The following NCAM2 variants were observed in gnomAD, a reference collection of about 807,000 sequenced individuals.
NCAM2 encodes the protein N-CAM-2.
NCAM2 carries 30 observed loss-of-function variants against 98.1 expected under a neutral mutation model. The ratio of observed to expected loss-of-function variants is 0.31; its 90% confidence interval spans 0.23 to 0.41. NCAM2 has a LOEUF of 0.41. NCAM2 is among the 10% of genes least tolerant of loss of function. The pLI is 1.00. For missense variants in NCAM2, 867 were observed against 1,005.8 expected (o/e 0.86, Z 1.87); for synonymous variants, 368 against 342.4 (o/e 1.07, Z -0.83).
At chr21:21,414,306 T>G (rs1319024166) in intron 10 of NCAM2, among the ~76,000 whole-genome samples, 1 of 152,210 alleles carries the variant, frequency 6.6e-6, no homozygotes, top group Admixed American at 6.5e-5. Context: ...TTCTTATTAA[T>G]GTTGATATTT....
intron 8 of NCAM2, among the ~76,000 whole-genome samples, chr21:21,350,769 C>T (rs528110698): frequency 6.6e-6 from 1 of 152,014 alleles, no homozygotes; most frequent in South Asian, 2.1e-4. Context: ...TACATATAAG[C>T]GTATCTATTT....
At chr21:21,339,254 G>A (rs2074959884) in intron 8 of NCAM2, among the ~76,000 whole-genome samples, 1 of 152,082 alleles carries the variant, frequency 6.6e-6, no homozygotes. Flanking sequence ...CAGTAGAAGT[G>A]TAGGTTCTGC....
At chr21:21,051,783 T>G (rs2146296688) in intron 1 of NCAM2, among the ~76,000 whole-genome samples, 2 of 152,316 alleles carry the variant, frequency 1.3e-5, no homozygotes, top group South Asian at 4.1e-4. Context: ...CATACAATTG[T>G]AGGAACTTCT....
intron 9 of NCAM2, among the ~76,000 whole-genome samples, chr21:21,392,707 T>G (rs1051446682): frequency 6.6e-6 from 1 of 152,200 alleles, no homozygotes; most frequent in Admixed American, 6.5e-5. Flanking sequence ...ATCAGTGATA[T>G]TGAGCTTTTT....
rs1049300394 is a variant in NCAM2, at chr21:21,091,164, A to G, written c.55+92546A>G. On this transcript the variant is annotated intron_variant, in intron 1 of 17. Transcript: ENST00000400546. ...GTGTTGCATGAATGAATGATATCCAAGCTTAAAAACTACATGACACTGCTC... is the reference window on the plus strand; with the variant it reads ...GTGTTGCATGAATGAATGATATCCAGGCTTAAAAACTACATGACACTGCTC... Among the ~76,000 whole-genome samples, 5 of 152,182 alleles carry G rather than the reference A, an allele frequency of 3.3e-5. No homozygotes were observed. The South Asian group carries it at 1.0e-3, about 32-fold the overall frequency.
At chr21:21,485,666 A>T (rs1285280838) in intron 15 of NCAM2, among the ~76,000 whole-genome samples, 1 of 152,204 alleles carries the variant, frequency 6.6e-6, no homozygotes, top group African/African-American at 2.4e-5. Flanking sequence ...ACCACATCTT[A>T]ACAAGTGACT....
intron 9 of NCAM2, among the ~76,000 whole-genome samples, chr21:21,402,187 G>C (rs1003275319): frequency 6.6e-6 from 1 of 152,158 alleles, no homozygotes; most frequent in African/African-American, 2.4e-5. Context: ...GGCAAAAACA[G>C]CCATATTTTT....
At chr21:21,398,482 G>A (rs758068252) in intron 9 of NCAM2, among the ~76,000 whole-genome samples, 64 of 152,150 alleles carry the variant, frequency 4.2e-4, no homozygotes, top group Non-Finnish European at 2.1e-4. Context: ...ACAAAGCACC[G>A]AAAGCACAAA....
At chr21:21,364,493 A>G (rs998983177) in intron 8 of NCAM2, among the ~76,000 whole-genome samples, 2 of 152,046 alleles carry the variant, frequency 1.3e-5, no homozygotes, top group African/African-American at 2.4e-5. Context: ...AATTATACAT[A>G]TAGACTATAT....
At chr21:21,265,469 GTATATATAT>G (rs1568857393) in intron 1 of NCAM2, among the ~76,000 whole-genome samples, 10 of 137,272 alleles carry the variant, frequency 7.3e-5, no homozygotes, top group South Asian at 2.2e-4. Flanking sequence ...ATATATGTGT[GTATATATAT>G]TATATATACA....
intron 1 of NCAM2, among the ~76,000 whole-genome samples, chr21:21,230,391 C>T (rs1027667100): frequency 6.6e-6 from 1 of 151,014 alleles, no homozygotes; most frequent in African/African-American, 2.4e-5. Flanking sequence ...TAAAAATTGG[C>T]CACGCTGTCT....
intron 14 of NCAM2, among the ~76,000 whole-genome samples, chr21:21,472,559 ATTC>A (rs1366242781): frequency 2.0e-5 from 3 of 152,032 alleles, no homozygotes; most frequent in African/African-American, 4.8e-5. Flanking sequence ...GATGAGTTTT[ATTC>A]TTCTTTGTAT....
At chr21:21,221,730 G>A (rs78169665) in intron 1 of NCAM2, among the ~76,000 whole-genome samples, 1 of 152,156 alleles carries the variant, frequency 6.6e-6, no homozygotes, top group Admixed American at 6.5e-5. Context: ...AAAATGTTAG[G>A]TGAATTTGGA....
intron 1 of NCAM2, among the ~76,000 whole-genome samples, chr21:21,069,989 C>A (rs980315974): frequency 6.6e-6 from 1 of 152,018 alleles, no homozygotes; most frequent in Non-Finnish European, 1.5e-5. Flanking sequence ...ACTGTGAACA[C>A]CGGCAATTTA....
intron 6 of NCAM2, among the ~76,000 whole-genome samples, chr21:21,329,896 A>C (rs913172923): frequency 1.3e-5 from 2 of 152,134 alleles, no homozygotes; most frequent in African/African-American, 4.8e-5. Context: ...ACGCAATTCC[A>C]GGAATTTGTC....
chr21:21,539,109 G>C lies in NCAM2; in HGVS notation c.*1152G>C, dbSNP rs897842390. On this transcript the variant is annotated 3_prime_UTR_variant, in exon 18 of 18. Coordinates refer to ENST00000400546, the MANE Select transcript of NCAM2 (RefSeq NM_004540.5). The stretch of plus-strand genomic sequence containing the variant: ...TAGCTAGAAGTCATTTTAAGATTTT[G>C]ATAAACAACTTTGGTTGAAGAAATT... The C allele has an allele frequency of 2.0e-5, 3 of 152,098 alleles. No individual in the cohort carries two copies. Among genetic ancestry groups the C allele is most frequent in the African/African-American group, 7.2e-5 (3 of 41,436 alleles). The allele number at this position is 152,098 out of a possible 1,614,324, so 9.4% of individuals were successfully genotyped here.
intron 1 of NCAM2, among the ~76,000 whole-genome samples, chr21:21,052,639 T>C (rs1187487346): frequency 1.3e-5 from 2 of 152,128 alleles, no homozygotes; most frequent in Non-Finnish European, 2.9e-5. Context: ...AATGAATTCT[T>C]TCCCCAGAAA....
chr21:21,034,526 T>C (rs1322153434), intron 1 of NCAM2, among the ~76,000 whole-genome samples: 1 of 152,182 alleles, frequency 6.6e-6, no homozygotes, highest in African/African-American at 2.4e-5. Flanking sequence ...CATCAAGGTG[T>C]CTTCCTTCAG....
intron 1 of NCAM2, among the ~76,000 whole-genome samples, chr21:21,144,459 C>T (rs2067231717): frequency 6.6e-6 from 1 of 151,854 alleles, no homozygotes; most frequent in Non-Finnish European, 1.5e-5. Context: ...TTATACACTC[C>T]AAACCAAAAT....
Sources: allele counts gnomAD v4.1 joint callset (sites outside exome capture counted in the v4.1 genomes callset), GRCh38; gene constraint gnomAD v4.1.1; transcripts MANE v1.5; gene names NCBI Gene and HGNC (gene_info 2026-07-23, HGNC 2026-07-21).